Variants in NKAIN2 observed in about 807,000 individuals in gnomAD.
NKAIN2 encodes sodium/potassium-transporting ATPase subunit beta-1-interacting protein 2.
A neutral mutation model predicts 32.6 loss-of-function variants in NKAIN2; 14 were observed. The ratio of observed to expected loss-of-function variants is 0.43; its 90% CI spans 0.28 to 0.67. NKAIN2 has a LOEUF of 0.67. Among genes scored for constraint, NKAIN2 ranks in the 30% least tolerant of loss-of-function variants. The pLI is 0.17. For missense variants in NKAIN2, 198 were observed against 258.3 expected, an observed-to-expected ratio of 0.77 and a Z score of 1.60; for synonymous variants, 80 against 87.2, an observed-to-expected ratio of 0.92 and a Z score of 0.46.
chr6:124,626,240 T>TAGTA (rs1223836664), intron 3 of NKAIN2, among the ~76,000 whole-genome samples: 5 of 152,026 alleles, frequency 3.3e-5, no homozygotes, highest in South Asian at 4.2e-4. Flanking sequence ...AGTGGAAATA[T>TAGTA]AGTAAGTGGG....
At chr6:123,849,764 T>G (rs1007293053) in intron 1 of NKAIN2, among the ~76,000 whole-genome samples, 1 of 152,168 alleles carries the variant, frequency 6.6e-6, no homozygotes, top group Non-Finnish European at 1.5e-5. Context: ...GTTAAATTAC[T>G]TCTTGGATTG....
At chr6:124,610,012 G>A (rs915121191) in intron 3 of NKAIN2, among the ~76,000 whole-genome samples, 4 of 152,134 alleles carry the variant, frequency 2.6e-5, no homozygotes, top group Non-Finnish European at 5.9e-5. Context: ...AGTAAACACA[G>A]TGTAGTGTTA....
intron 4 of NKAIN2, among the ~76,000 whole-genome samples, chr6:124,706,931 G>A (rs9388360): frequency 0.44 from 66,488 of 150,562 alleles, 15,039 homozygotes; most frequent in African/African-American, 0.53. Context: ...ATGCTGGTGC[G>A]CTGCACCCAC....
intron 3 of NKAIN2, among the ~76,000 whole-genome samples, chr6:124,362,523 C>T (rs898181916): frequency 6.6e-6 from 1 of 152,070 alleles, no homozygotes; most frequent in African/African-American, 2.4e-5. Flanking sequence ...GTTCATGAAC[C>T]TTTCTTATTC....
chr6:124,599,545 A>C (rs1369951445), intron 3 of NKAIN2, among the ~76,000 whole-genome samples: 1 of 152,158 alleles, frequency 6.6e-6, no homozygotes, highest in Non-Finnish European at 1.5e-5. Flanking sequence ...GCAAAGATAT[A>C]GCCGTGATCC....
At chr6:123,958,309 T>C (rs2114604821) in intron 1 of NKAIN2, among the ~76,000 whole-genome samples, 1 of 152,308 alleles carries the variant, frequency 6.6e-6, no homozygotes, top group Non-Finnish European at 1.5e-5. Flanking sequence ...TGAAACCATA[T>C]ACTGTCCCAT....
rs140235103 is a variant in NKAIN2, at chr6:124,544,240, A to C, written c.274-113946A>C. 4.0e-3 allele frequency among the ~76,000 whole-genome samples: 612 copies of C among 152,070 alleles called. 3 individuals are homozygous for C. Among genetic ancestry groups the C allele is most frequent in the African/African-American group, 0.013 (559 of 41,422 alleles). On this transcript the variant is annotated intron_variant, in intron 3 of 6. Transcript: ENST00000368417. ...CTCCAAATACCTGTCAGGCTTGGAGAGCAGGAGCCAACCAGGGACATTACA... is the reference window on the plus strand; with the variant it reads ...CTCCAAATACCTGTCAGGCTTGGAGCGCAGGAGCCAACCAGGGACATTACA...
chr6:123,891,707 T>A (rs1254195326), intron 1 of NKAIN2, among the ~76,000 whole-genome samples: 2 of 152,246 alleles, frequency 1.3e-5, no homozygotes, highest in East Asian at 3.8e-4. Context: ...GGCAAAATGA[T>A]CTACGTCGTT....
chr6:124,750,223 CT>C (rs1195059673), intron 4 of NKAIN2, among the ~76,000 whole-genome samples: 1 of 151,860 alleles, frequency 6.6e-6, no homozygotes, highest in Non-Finnish European at 1.5e-5. Flanking sequence ...GTTAGTTATT[CT>C]TTTGCCCTAG....
chr6:124,428,037 G>A (rs1583236147), intron 3 of NKAIN2, among the ~76,000 whole-genome samples: 1 of 151,856 alleles, frequency 6.6e-6, no homozygotes, highest in Admixed American at 6.6e-5. Flanking sequence ...ATTTCCTTTT[G>A]GTCTGGGTTC....
intron 1 of NKAIN2, among the ~76,000 whole-genome samples, chr6:124,267,891 T>A (rs1794576023): frequency 1.3e-5 from 2 of 152,210 alleles, no homozygotes; most frequent in African/African-American, 4.8e-5. Context: ...CACAGTGGAA[T>A]AAGAACTTTA....
intron 1 of NKAIN2, among the ~76,000 whole-genome samples, chr6:123,972,799 C>T (rs1466065394): frequency 6.6e-6 from 1 of 152,034 alleles, no homozygotes; most frequent in East Asian, 1.9e-4. Flanking sequence ...TCCCTTTCCT[C>T]CTCTGGAGAT....
At chr6:124,125,272 TACATGCACACGA>T (rs1786102293) in intron 1 of NKAIN2, among the ~76,000 whole-genome samples, 1 of 152,210 alleles carries the variant, frequency 6.6e-6, no homozygotes, top group Non-Finnish European at 1.5e-5. Context: ...TGTATAAACA[TACATGCACACGA>T]GTGCACACTG....
intron 4 of NKAIN2, among the ~76,000 whole-genome samples, chr6:124,735,296 A>C (rs918277147): frequency 1.3e-5 from 2 of 151,930 alleles, no homozygotes; most frequent in Non-Finnish European, 2.9e-5. Context: ...TATATTATAT[A>C]AATTCTCTCT....
At chr6:123,838,984 C>G (rs974130634) in intron 1 of NKAIN2, among the ~76,000 whole-genome samples, 3 of 152,186 alleles carry the variant, frequency 2.0e-5, no homozygotes, top group African/African-American at 7.2e-5. Context: ...AATTGCTAGT[C>G]ATACTTAGCT....
At chr6:124,198,875 T>C (rs1411396302) in intron 1 of NKAIN2, among the ~76,000 whole-genome samples, 5 of 152,118 alleles carry the variant, frequency 3.3e-5, no homozygotes, top group Admixed American at 3.3e-4. Flanking sequence ...ACTATAACTT[T>C]CCAGTGAATT....
At chr6:124,759,650 CACA>C (rs1778157913) in intron 4 of NKAIN2, among the ~76,000 whole-genome samples, 4 of 92,542 alleles carry the variant, frequency 4.3e-5, no homozygotes, top group African/African-American at 1.0e-4. Flanking sequence ...CACACACACA[CACA>C]CACCCCCTAT....
intron 3 of NKAIN2, among the ~76,000 whole-genome samples, chr6:124,515,489 G>A (rs902213796): frequency 1.3e-5 from 2 of 151,832 alleles, no homozygotes; most frequent in Non-Finnish European, 2.9e-5. Flanking sequence ...AGGTGCTAGC[G>A]TCTTTTAAAA....
intron 4 of NKAIN2, among the ~76,000 whole-genome samples, chr6:124,702,532 A>G (rs547136354): frequency 1.3e-3 from 201 of 152,150 alleles, no homozygotes; most frequent in African/African-American, 4.8e-3. Context: ...GTGTTTAAGT[A>G]AAGTGTCAGA....
Sources: gnomAD v4.1 joint callset for allele counts (sites outside exome capture counted in the v4.1 genomes callset) on GRCh38, gnomAD v4.1.1 for gene constraint, MANE v1.5 for transcripts, NCBI Gene and HGNC (gene_info 2026-07-23, HGNC 2026-07-21) for gene names.